The following MYOM2 variants were observed in gnomAD, a reference collection of about 807,000 sequenced individuals.
MYOM2 encodes myomesin-2.
In MYOM2, 254 loss-of-function variants were observed where a neutral mutation model predicts 187.6. The ratio of observed to expected loss-of-function variants is 1.35; its 90% CI spans 1.22 to 1.50. MYOM2 has a LOEUF of 1.50. Among genes scored for constraint, MYOM2 ranks in the 40% most tolerant of loss-of-function variants. The pLI, the probability that MYOM2 is intolerant of heterozygous loss-of-function variation, is 0.00. For synonymous variants in MYOM2, 981 were observed against 753.8 expected (o/e 1.30, Z -4.94); for missense variants, 2,796 against 1,924.0 (o/e 1.45, Z -8.48).
intron 25 of MYOM2, among the ~76,000 whole-genome samples, chr8:2,112,666 A>T (rs1248398194): frequency 1.3e-5 from 2 of 152,214 alleles, no homozygotes; most frequent in African/African-American, 4.8e-5. Context: ...CCAAGTGGCC[A>T]GTTTGCTAAT....
chr8:2,122,973 C>T (rs113145552), intron 28 of MYOM2, among the ~76,000 whole-genome samples: 11 of 68,674 alleles, frequency 1.6e-4, no homozygotes, highest in African/African-American at 2.7e-4. Context: ...ACCAAAAGAT[C>T]TTTATGCCTA....
At chr8:2,067,083 C>T (rs1250914505) in intron 6 of MYOM2, among the ~76,000 whole-genome samples, 2 of 152,146 alleles carry the variant, frequency 1.3e-5, no homozygotes, top group African/African-American at 4.8e-5. Flanking sequence ...TGAACTTCAG[C>T]AGGAGGGGAA....
chr8:2,050,396 T>C (rs1195190022), intron 1 of MYOM2, among the ~76,000 whole-genome samples: 1 of 152,262 alleles, frequency 6.6e-6, no homozygotes, highest in Non-Finnish European at 1.5e-5. Flanking sequence ...AGTGTTTGTT[T>C]ACTTCTCTAA....
chr8:2,071,615 G>A (rs1363943706), intron 8 of MYOM2, among the ~76,000 whole-genome samples: 1 of 152,146 alleles, frequency 6.6e-6, no homozygotes, highest in African/African-American at 2.4e-5. Context: ...ACACGATCAG[G>A]TTCTCAGCCC....
At chr8:2,120,675 T>TATATATATATATA (rs1220891042) in intron 28 of MYOM2, among the ~76,000 whole-genome samples, 2 of 41,428 alleles carry the variant, frequency 4.8e-5, no homozygotes, top group Non-Finnish European at 1.0e-4. Context: ...TATATATATA[T>TATATATATATATA]TATATTATAT....
In MYOM2 at chr8:2,059,753, T is replaced by TA. The variant is rs535645238; in HGVS notation, c.653+508_653+509insA. ...ACGCGACACACACACTTTTTTTTTTTTTTTTTGAGGCAGAGTTTCGCTCTT... is the reference window on the plus strand; with the variant it reads ...ACGCGACACACACACTTTTTTTTTTTATTTTTTGAGGCAGAGTTTCGCTCTT... On this transcript the variant is annotated intron_variant, in intron 6 of 36. Coordinates refer to ENST00000262113, the MANE Select transcript of MYOM2 (RefSeq NM_003970.4). Among the ~76,000 whole-genome samples, 109 of 151,292 alleles carry TA rather than the reference T, an allele frequency of 7.2e-4. 3 individuals are homozygous for TA. Among genetic ancestry groups the TA allele is most frequent in the Admixed American group, 2.1e-3 (32 of 15,202 alleles).
At chr8:2,054,762 G>A (rs1818600975) in intron 3 of MYOM2, among the ~76,000 whole-genome samples, 2 of 152,198 alleles carry the variant, frequency 1.3e-5, no homozygotes, top group South Asian at 2.1e-4. Context: ...TTGTCTTCTC[G>A]ATCCCTGCAA....
At chr8:2,049,681 GGTT>G (rs1167149512) in intron 1 of MYOM2, among the ~76,000 whole-genome samples, 1 of 152,196 alleles carries the variant, frequency 6.6e-6, no homozygotes, top group Non-Finnish European at 1.5e-5. Flanking sequence ...ATGGAGCTCA[GGTT>G]GTGAGTCCTT....
Position 2,123,589 on chromosome 8 carries a change from C to G in MYOM2, c.3602C>G (p.Thr1201Ser), listed in dbSNP as rs770377385. The G allele has an allele frequency of 1.2e-6, 2 of 1,614,130 alleles. No individual in the cohort carries two copies. The highest frequency in any genetic ancestry group is 1.7e-5 in the Admixed American group (1 of 60,030). ...AAGGACCACGGTGAATACAAGGCAA[C>G]CTTGAAAGATGACAGAGGCCAAGAT... ...SKKDHGEYKA[T>S]LKDDRGQDVS... is the part of the protein sequence containing the mutation. Residue 1201 changes from threonine (T) to serine (S), a missense_variant, in exon 30 of 37, where the codon ACC (threonine) becomes AGC (serine). Coordinates refer to ENST00000262113, the MANE Select transcript of MYOM2 (RefSeq NM_003970.4).
intron 21 of MYOM2, among the ~76,000 whole-genome samples, chr8:2,104,209 A>G (rs1796816572): frequency 1.3e-5 from 2 of 152,178 alleles, no homozygotes; most frequent in South Asian, 4.1e-4. Flanking sequence ...GTCAACCTAA[A>G]AAGGGCAAAT....
At position 2,076,179 on chromosome 8, in the gene MYOM2, A is replaced by G. The variant is rs1208306885; in HGVS notation, c.1159A>G (p.Met387Val). 16 of 1,613,128 alleles carry G rather than the reference A, an allele frequency of 9.9e-6. No individual in the cohort carries two copies. Among genetic ancestry groups the G allele is most frequent in the African/African-American group, 1.3e-5 (1 of 74,888 alleles). Residue 387 changes from methionine (M) to valine (V), a missense_variant, in exon 11 of 37, where the codon ATG (methionine) becomes GTG (valine). Transcript: ENST00000262113. ...PLVTGAPGAP[M>V]DLQCHDANRD... The stretch of plus-strand genomic sequence containing the variant: ...GGTCACAGGGGCCCCCGGTGCACCC[A>G]TGGACTTGCAGTGCCACGACGCCAA...
chr8:2,102,357 ATTATGTT>A, intron 20 of MYOM2: 1 of 267,914 alleles, frequency 3.7e-6, no homozygotes. Flanking sequence ...GTTCCACAGA[ATTATGTT>A]AAATATAAAC....
In MYOM2 at chr8:2,093,709, A is replaced by G. The variant is rs1585893160; in HGVS notation, c.2004-261A>G. ...GGATAATAGACCTCTGATCCAGAGGAGGCCCAGAAAGTACAAAAGCAAAGG... is the reference window on the plus strand; with the variant it reads ...GGATAATAGACCTCTGATCCAGAGGGGGCCCAGAAAGTACAAAAGCAAAGG... On this transcript the variant is annotated intron_variant, in intron 16 of 36. Coordinates refer to ENST00000262113, the MANE Select transcript of MYOM2 (RefSeq NM_003970.4). Among the ~76,000 whole-genome samples the G allele has an allele frequency of 3.9e-5, 6 of 152,332 alleles. No homozygotes were observed. In the South Asian group the frequency reaches 1.2e-3, roughly 32 times the overall value.
intron 19 of MYOM2, 47 bp from the exon 20 acceptor site, chr8:2,100,829 C>T (rs200605939): frequency 3.5e-5 from 56 of 1,601,824 alleles, no homozygotes; most frequent in Middle Eastern, 3.3e-4. Flanking sequence ...GGTGGGTGTG[C>T]TGGACTGGCT....
rs770506146 is a variant in MYOM2 at position 2,089,626 on chromosome 8, A to G, written c.1645-382A>G. The stretch of plus-strand genomic sequence containing the variant: ...AATATGGTAATAACTTTAAATTGAA[A>G]TGCGAACCACTGAGTTATGACAGAA... On this transcript the variant is annotated intron_variant, in intron 14 of 36. Transcript: ENST00000262113. 1.3e-4 allele frequency among the ~76,000 whole-genome samples: 20 copies of G among 152,356 alleles called. 1 individual carries two copies. Among genetic ancestry groups the G allele is most frequent in the Non-Finnish European group, 1.2e-4 (8 of 68,036 alleles).
At chr8:2,127,342 C>T (rs1797683896) in intron 31 of MYOM2, among the ~76,000 whole-genome samples, 2 of 151,110 alleles carry the variant, frequency 1.3e-5, no homozygotes. Context: ...GCAGCCGGCC[C>T]AGATGCAGGG....
chr8:2,120,832 G>C (rs1464735815), intron 28 of MYOM2, among the ~76,000 whole-genome samples: 2 of 148,978 alleles, frequency 1.3e-5, no homozygotes, highest in Non-Finnish European at 3.0e-5. Context: ...GTGATAACTA[G>C]AGCTAAGGCT....
chr8:2,108,425 T>C (rs1349728902), intron 23 of MYOM2, among the ~76,000 whole-genome samples: 3 of 152,120 alleles, frequency 2.0e-5, no homozygotes, highest in Non-Finnish European at 4.4e-5. Flanking sequence ...TCTCAGCCAG[T>C]GCAATCAATT....
intron 6 of MYOM2, among the ~76,000 whole-genome samples, chr8:2,060,355 C>G (rs920510088): frequency 2.6e-5 from 4 of 152,206 alleles, no homozygotes; most frequent in East Asian, 3.9e-4. Context: ...TTTATCTTCT[C>G]TATAGGACTA....
Sources: allele counts gnomAD v4.1 joint callset (sites outside exome capture counted in the v4.1 genomes callset), GRCh38; gene constraint gnomAD v4.1.1; transcripts MANE v1.5; gene names NCBI Gene and HGNC (gene_info 2026-07-23, HGNC 2026-07-21).